The following ADPRHL1 variants were observed in gnomAD, a reference collection of about 807,000 sequenced individuals.
ADPRHL1 encodes ADP-ribosylhydrolase like 1.
ADPRHL1 carries 43 observed loss-of-function variants against 44.1 expected under a neutral mutation model. The observed-to-expected ratio is 0.98, with a 90% CI of 0.76 to 1.26. The LOEUF is 1.26. Among genes scored for constraint, ADPRHL1 ranks in the 50% most tolerant of loss-of-function variants. The pLI, the probability that ADPRHL1 is intolerant of heterozygous loss-of-function variation, is 0.00. For missense variants in ADPRHL1, 2,022 were observed against 2,496.9 expected, an observed-to-expected ratio of 0.81 and a Z score of 4.05; for synonymous variants, 878 against 1,017.4, an observed-to-expected ratio of 0.86 and a Z score of 2.61.
chr13:113,420,494 C>G, intron 7 of ADPRHL1, among the ~76,000 whole-genome samples: 1 of 152,168 alleles, frequency 6.6e-6, no homozygotes. Context: ...ACAGGTACTA[C>G]GACCGTGTTA....
In ADPRHL1 at chr13:113,432,120, G is replaced by A. The variant is rs576183053; in HGVS notation, c.505+1622C>T. Reference sequence around the variant, plus strand: ...TGTGCTCATTACATTGTTTTCAAATGTCCAGCTTTTTTTTTGTTTTTGAGA... The same window carrying A: ...TGTGCTCATTACATTGTTTTCAAATATCCAGCTTTTTTTTTGTTTTTGAGA... On this transcript the variant is annotated intron_variant, in intron 3 of 7. Transcript: ENST00000612156. Among the ~76,000 whole-genome samples the A allele has an allele frequency of 5.8e-5, 8 of 138,750 alleles. No individual in the cohort carries two copies. The East Asian group carries it at 2.3e-3, about 39-fold the overall frequency. The allele number at this position is 138,750 out of a possible 152,430, so 91.0% of individuals were successfully genotyped here.
chr13:113,411,594 C>T (rs556394593), intron 7 of ADPRHL1, among the ~76,000 whole-genome samples: 70 of 152,334 alleles, frequency 4.6e-4, no homozygotes, highest in African/African-American at 1.0e-3. Flanking sequence ...GCTTTCACCC[C>T]GCAGCGTGAT....
In ADPRHL1 at chr13:113,429,023, C is replaced by A. The variant is rs754691717; in HGVS notation, c.575G>T (p.Trp192Leu). The A allele has an allele frequency of 2.5e-6, 4 of 1,612,904 alleles. No homozygotes were observed. The highest frequency in any genetic ancestry group is 2.2e-5 in the East Asian group (1 of 44,878). The change falls in exon 4 of 8, where the codon TGG (tryptophan) becomes TTG (leucine). Residue 192 changes from tryptophan to leucine, a missense_variant. This residue lies in a region of ADPRHL1 where 437 missense variants were observed against 430.7 expected (regional missense o/e 1.01). Coordinates refer to ENST00000612156, the MANE Select transcript of ADPRHL1 (RefSeq NM_001394807.1). ...FAAQGKPLVQ[W>L]GRDMLRAVPL... ...CACCGCCCGCAGCATGTCTCTCCCC[C>A]ACTGGACCAGGGGCTTTCCTTGTGC...
At chr13:113,429,179 C>T (rs560222688) in intron 3 of ADPRHL1, 87 bp from the exon 4 acceptor site, 190 of 1,515,736 alleles carry the variant, frequency 1.3e-4, no homozygotes, top group Non-Finnish European at 1.6e-4. Flanking sequence ...GTGGGACTCC[C>T]GAGGAAGGGT....
chr13:113,452,064 A>T (rs1476532712), intron 1 of ADPRHL1, among the ~76,000 whole-genome samples: 3 of 152,116 alleles, frequency 2.0e-5, no homozygotes, highest in African/African-American at 4.8e-5. Context: ...AGGAAGCCAA[A>T]CTCAAGAGTG....
chr13:113,453,477 TCC>T lies in ADPRHL1; in HGVS notation c.-42_-41del, dbSNP rs2044191792. The T allele has an allele frequency of 2.5e-6, 4 of 1,601,284 alleles. No individual in the cohort carries two copies. The highest frequency in any genetic ancestry group is 3.4e-6 in the Non-Finnish European group (4 of 1,172,492). On this transcript the variant is annotated 5_prime_UTR_variant, in exon 1 of 8. Coordinates refer to ENST00000612156, the MANE Select transcript of ADPRHL1 (RefSeq NM_001394807.1). This position sits in a 1 kb window ranked among gnomAD's most constrained non-coding sequence, Gnocchi z 5.4. ...CCTCTTCCCCAACAGCTGCGGAGCG[TCC>T]TGGCCTTTGTCTCCTCCTCAGCCCG... is the stretch of plus-strand genomic sequence containing the variant.
Position 113,407,248 on chromosome 13 carries a change from C to G in ADPRHL1, c.2034G>C (p.Glu678Asp). 1 of 1,232,128 alleles carries G rather than the reference C, an allele frequency of 8.1e-7. No homozygotes were observed. The allele number at this position is 1,232,128 out of a possible 1,614,324, so 76.3% of individuals were successfully genotyped here. A position where few individuals can be genotyped will look rare whatever the true frequency, so the allele number is the denominator to read the frequency against. Residue 678 changes from glutamate to aspartate, a missense_variant, in exon 8 of 8, where the codon GAG (glutamate) becomes GAC (aspartate). Glu to Asp is a conservative substitution (Grantham distance 45). This residue lies in a region of ADPRHL1 where 1,221 missense variants were observed against 1,517.8 expected (regional missense o/e 0.80). Coordinates refer to ENST00000612156, the MANE Select transcript of ADPRHL1 (RefSeq NM_001394807.1). ...KAVGKGPLEE[E>D]PQRQPRPSKP... Reference sequence around the variant, plus strand: ...TCGAGGGCCTTGGCTGTCTTTGGGGCTCCTCCTCCAGGGGCCCCTTTCCCA... The same window carrying G: ...TCGAGGGCCTTGGCTGTCTTTGGGGGTCCTCCTCCAGGGGCCCCTTTCCCA...
intron 1 of ADPRHL1, among the ~76,000 whole-genome samples, chr13:113,450,939 T>G (rs993071677): frequency 7.0e-6 from 1 of 142,872 alleles, no homozygotes; most frequent in South Asian, 2.2e-4. Flanking sequence ...TAAACTCCCC[T>G]GGGGAAAGGG....
intron 3 of ADPRHL1, among the ~76,000 whole-genome samples, chr13:113,430,621 A>G (rs1048581451): frequency 6.6e-6 from 1 of 152,114 alleles, no homozygotes; most frequent in Non-Finnish European, 1.5e-5. Flanking sequence ...GGAACTGGTG[A>G]TATCAGTGGT....
intron 6 of ADPRHL1, 72 bp from the exon 7 acceptor site, chr13:113,423,051 C>T (rs368875231): frequency 3.3e-5 from 52 of 1,593,936 alleles, no homozygotes; most frequent in East Asian, 1.3e-4. Flanking sequence ...TGGGGCTGGC[C>T]GCCCCTAAGG....
At chr13:113,411,240 G>C (rs1031882198) in intron 7 of ADPRHL1, among the ~76,000 whole-genome samples, 2 of 152,188 alleles carry the variant, frequency 1.3e-5, no homozygotes, top group African/African-American at 2.4e-5. Flanking sequence ...CTTGGATGAA[G>C]AGAGTAATGG....
chr13:113,439,443 T>C (rs1215441947), intron 2 of ADPRHL1, among the ~76,000 whole-genome samples: 1 of 74,914 alleles, frequency 1.3e-5, no homozygotes, highest in East Asian at 8.6e-4. Flanking sequence ...GTTTTCTTTG[T>C]ATTTTTTTTT....
At chr13:113,451,932 C>T (rs549781222) in intron 1 of ADPRHL1, among the ~76,000 whole-genome samples, 19 of 152,360 alleles carry the variant, frequency 1.2e-4, no homozygotes, top group African/African-American at 9.6e-5. Context: ...GCCCTCCCTG[C>T]GGGCCTGGCA....
chr13:113,448,879 C>T (rs2044160266), intron 1 of ADPRHL1: 2 of 932,558 alleles, frequency 2.1e-6, no homozygotes, highest in Admixed American at 6.2e-5. Context: ...AGGGAAGCCA[C>T]TTCCCCAGTT....
chr13:113,432,272 G>T (rs1037056616), intron 3 of ADPRHL1, among the ~76,000 whole-genome samples: 2 of 151,928 alleles, frequency 1.3e-5, no homozygotes, highest in Admixed American at 1.3e-4. Context: ...GTGCCGTCAT[G>T]CCTGGCTAAT....
intron 2 of ADPRHL1, among the ~76,000 whole-genome samples, chr13:113,443,321 A>C (rs1009321169): frequency 1.1e-4 from 16 of 152,098 alleles, no homozygotes; most frequent in Non-Finnish European, 1.8e-4. Flanking sequence ...TTTAGGATTT[A>C]AGTCTTGGCT....
chr13:113,427,854 C>T (rs74115885), intron 4 of ADPRHL1, among the ~76,000 whole-genome samples: 2,306 of 150,290 alleles, frequency 0.015, 54 homozygotes, highest in African/African-American at 0.052. Flanking sequence ...TGCGTCCAGG[C>T]GGGTATCCGT....
chr13:113,440,410 T>C (rs1026674498), intron 2 of ADPRHL1, among the ~76,000 whole-genome samples: 2 of 152,170 alleles, frequency 1.3e-5, no homozygotes, highest in African/African-American at 4.8e-5. Flanking sequence ...ACTAATATAG[T>C]AACTCCAGCT....
rs1425147373 is a variant in ADPRHL1 at position 113,407,821 on chromosome 13, G to A, written c.1461C>T (p.Leu487=). Residue 487 remains leucine, a synonymous_variant, in exon 8 of 8, where the codon CTC becomes CTT. Transcript: ENST00000612156. ...KTKEPAPKPC[L]SEKPRWGHPA... ...GGTGGCCCCAGCGGGGCTTCTCGCT[G>A]AGGCAGGGCTTTGGGGCCGGCTCCT... The A allele has an allele frequency of 2.4e-6, 3 of 1,231,846 alleles. No homozygotes were observed. The highest frequency in any genetic ancestry group is 3.0e-6 in the Non-Finnish European group (3 of 988,004). 76.3% of individuals were successfully genotyped at this position (1,231,846 alleles called of 1,614,324 possible).
Sources: gnomAD v4.1 joint callset for allele counts (sites outside exome capture counted in the v4.1 genomes callset) on GRCh38, gnomAD v4.1.1 for gene constraint, gnomAD v4.1.1 regional missense constraint, Gnocchi (gnomAD v3.1) non-coding constraint, MANE v1.5 for transcripts, NCBI Gene and HGNC (gene_info 2026-07-23, HGNC 2026-07-21) for gene names.